Variants in INPP4B observed in about 807,000 individuals in gnomAD.
INPP4B encodes the protein inositol polyphosphate 4-phosphatase type II.
Under a neutral mutation model 122.5 loss-of-function variants are expected in INPP4B, and 55 were observed. That is an observed-to-expected ratio of 0.45 (90% CI 0.36 to 0.56). The LOEUF is 0.56. INPP4B is among the 20% of genes least tolerant of loss of function. INPP4B has a pLI of 0.00. For missense variants in INPP4B, 1,000 were observed against 1,097.7 expected, an observed-to-expected ratio of 0.91 and a Z score of 1.26; for synonymous variants, 403 against 388.7, an observed-to-expected ratio of 1.04 and a Z score of -0.43.
chr4:142,157,082 T>C (rs1817615545), intron 17 of INPP4B, among the ~76,000 whole-genome samples: 1 of 152,164 alleles, frequency 6.6e-6, no homozygotes, highest in Admixed American at 6.6e-5. Context: ...CAGCATTGAC[T>C]AGACTTGTAA....
chr4:142,809,488 A>G (rs1779242343), intron 1 of INPP4B, among the ~76,000 whole-genome samples: 1 of 152,160 alleles, frequency 6.6e-6, no homozygotes, highest in Non-Finnish European at 1.5e-5. Context: ...ATTTAAGACA[A>G]ATGTTTGATG....
rs191097222 is a variant in INPP4B, at chr4:142,143,305, C to T, written c.1720+2535G>A. Among the ~76,000 whole-genome samples, 968 of 151,226 alleles carry T rather than the reference C, an allele frequency of 6.4e-3. 6 individuals carry two copies. The highest frequency in any genetic ancestry group is 0.01 in the Middle Eastern group (3 of 294). ...CTATTTACTATCTTCCTAAAATCAT[C>T]CACACTACCTCTCCTCTCCCTTTCC... On this transcript the variant is annotated intron_variant, in intron 18 of 25. Coordinates refer to ENST00000262992, the MANE Select transcript of INPP4B (RefSeq NM_001101669.3).
At chr4:142,122,599 C>T (rs3775638) in intron 20 of INPP4B, among the ~76,000 whole-genome samples, 2,246 of 152,206 alleles carry the variant, frequency 0.015, 38 homozygotes, top group East Asian at 0.059. Context: ...TTTATCATCA[C>T]TGACCCAGGT....
chr4:142,138,192 G>A (rs1222804475), intron 18 of INPP4B, among the ~76,000 whole-genome samples: 26 of 151,634 alleles, frequency 1.7e-4, no homozygotes, highest in Admixed American at 5.9e-4. Flanking sequence ...TACACCATGG[G>A]ATACTATGCA....
chr4:142,289,386 CT>C (rs1005261789), intron 9 of INPP4B, among the ~76,000 whole-genome samples: 24 of 152,198 alleles, frequency 1.6e-4, no homozygotes, highest in African/African-American at 5.5e-4. Context: ...AAATTTCCAA[CT>C]TTTAAGTTCA....
At chr4:142,542,125 C>G (rs751984657) in intron 2 of INPP4B, among the ~76,000 whole-genome samples, 57 of 152,182 alleles carry the variant, frequency 3.7e-4, no homozygotes, top group Admixed American at 4.6e-4. Context: ...ATGGCTGTCC[C>G]TCTCCAAAAA....
At chr4:142,616,675 C>T (rs1247833226) in intron 2 of INPP4B, among the ~76,000 whole-genome samples, 1 of 152,044 alleles carries the variant, frequency 6.6e-6, no homozygotes, top group Non-Finnish European at 1.5e-5. Context: ...TAATAGCAGT[C>T]ATGGAATCAA....
chr4:142,183,243 T>C (rs1043411863), intron 15 of INPP4B, among the ~76,000 whole-genome samples: 2 of 152,194 alleles, frequency 1.3e-5, no homozygotes, highest in African/African-American at 4.8e-5. Flanking sequence ...AATACCTCTG[T>C]AATTTATCTT....
At chr4:142,699,627 C>T (rs1761463479) in intron 2 of INPP4B, among the ~76,000 whole-genome samples, 1 of 152,232 alleles carries the variant, frequency 6.6e-6, no homozygotes, top group South Asian at 2.1e-4. Flanking sequence ...ATGCATATAC[C>T]TCAAATTCTA....
At chr4:142,481,875 T>G (rs1191347916) in intron 2 of INPP4B, among the ~76,000 whole-genome samples, 1 of 152,206 alleles carries the variant, frequency 6.6e-6, no homozygotes, top group Non-Finnish European at 1.5e-5. Context: ...AATAAGGAAC[T>G]GGACTTCTAT....
chr4:142,354,306 T>C (rs1423993023), intron 7 of INPP4B, among the ~76,000 whole-genome samples: 1 of 152,018 alleles, frequency 6.6e-6, no homozygotes, highest in African/African-American at 2.4e-5. Flanking sequence ...TCTTCCTGAA[T>C]GTGCCAGCAG....
intron 3 of INPP4B, among the ~76,000 whole-genome samples, chr4:142,448,545 G>C (rs976629991): frequency 6.6e-6 from 1 of 152,090 alleles, no homozygotes; most frequent in African/African-American, 2.4e-5. Context: ...GAGTGTGAAT[G>C]GATAGGATCA....
chr4:142,372,142 G>T (rs1691031249), intron 7 of INPP4B, among the ~76,000 whole-genome samples: 1 of 152,056 alleles, frequency 6.6e-6, no homozygotes, highest in Non-Finnish European at 1.5e-5. Flanking sequence ...AAACATGGAT[G>T]GAACTGGAGG....
Position 142,802,005 on chromosome 4 carries a change from T to C in INPP4B, c.-254+44204A>G, listed in dbSNP as rs188143764. On this transcript the variant is annotated intron_variant, in intron 1 of 25. Transcript: ENST00000262992. Reference sequence around the variant, plus strand: ...CATCAACATACAGATTAAAAAAGACTCAGTTAGGGACCAGGAAAATCATTG... The same window carrying C: ...CATCAACATACAGATTAAAAAAGACCCAGTTAGGGACCAGGAAAATCATTG... Among the ~76,000 whole-genome samples, 366 of 152,214 alleles carry C rather than the reference T, an allele frequency of 2.4e-3. 2 individuals carry two copies. The highest frequency in any genetic ancestry group is 8.2e-3 in the African/African-American group (339 of 41,544).
chr4:142,680,219 ATTAAT>A (rs1294296053), intron 2 of INPP4B, among the ~76,000 whole-genome samples: 2 of 151,862 alleles, frequency 1.3e-5, no homozygotes, highest in African/African-American at 2.4e-5. Context: ...ACATATTTAT[ATTAAT>A]TTGAGTTCCT....
At chr4:142,346,031 C>G (rs1386044043) in intron 7 of INPP4B, among the ~76,000 whole-genome samples, 1 of 152,092 alleles carries the variant, frequency 6.6e-6, no homozygotes, top group Admixed American at 6.6e-5. Context: ...CTCATTAAGA[C>G]ATGCATATAT....
intron 3 of INPP4B, among the ~76,000 whole-genome samples, chr4:142,440,284 T>C (rs1811407556): frequency 6.6e-6 from 1 of 152,148 alleles, no homozygotes; most frequent in Non-Finnish European, 1.5e-5. Flanking sequence ...GAAAGGGATA[T>C]TATCAGAGTA....
chr4:142,461,877 G>T (rs975974838), intron 3 of INPP4B, among the ~76,000 whole-genome samples: 1 of 151,912 alleles, frequency 6.6e-6, no homozygotes, highest in Non-Finnish European at 1.5e-5. Context: ...ATATTCAGGG[G>T]ACCAGGAGAG....
chr4:142,567,073 A>G (rs978357362), intron 2 of INPP4B, among the ~76,000 whole-genome samples: 6 of 152,160 alleles, frequency 3.9e-5, no homozygotes, highest in African/African-American at 1.4e-4. Context: ...AAATATTTAT[A>G]TGTAGGTTAG....
Sources: allele counts gnomAD v4.1 joint callset (sites outside exome capture counted in the v4.1 genomes callset), GRCh38; gene constraint gnomAD v4.1.1; transcripts MANE v1.5; gene names NCBI Gene and HGNC (gene_info 2026-07-23, HGNC 2026-07-21).